FAM171B: variants seen among roughly 807,000 people sequenced by gnomAD.
FAM171B encodes family with sequence similarity 171 member B.
FAM171B carries 19 observed loss-of-function variants against 75.6 expected under a neutral mutation model. The ratio of observed to expected loss-of-function variants is 0.25; its 90% CI spans 0.18 to 0.37. The LOEUF (loss-of-function observed/expected upper bound fraction) is 0.37. Ranked by LOEUF, FAM171B falls within the 10% of genes least tolerant of loss-of-function variation. The pLI is 1.00. For missense variants in FAM171B, 848 were observed against 982.4 expected (o/e 0.86, Z 1.83); for synonymous variants, 367 against 361.7 (o/e 1.01, Z -0.17).
chr2:186,698,373 G>A (rs1326588420), intron 1 of FAM171B, among the ~76,000 whole-genome samples: 1 of 152,092 alleles, frequency 6.6e-6, no homozygotes, highest in African/African-American at 2.4e-5. Flanking sequence ...TATTTCGCAA[G>A]ATGTTAAATA....
chr2:186,761,120 T>C lies in FAM171B; in HGVS notation c.1020T>C (p.Gly340=). The part of the protein sequence containing the change: ...AAPLPGTRGS[G]INEDSKDITA... ...TTATATTGAACCATGTAGGTTCAGGTATAAATGAAGATTCCAAGGACATAA... is the reference window on the plus strand; with the variant it reads ...TTATATTGAACCATGTAGGTTCAGGCATAAATGAAGATTCCAAGGACATAA... Residue 340 remains glycine (G), a synonymous_variant, in exon 7 of 8, where the codon GGT becomes GGC. Transcript: ENST00000304698. 1 of 1,609,054 alleles carries C rather than the reference T, an allele frequency of 6.2e-7. No homozygotes were observed. The highest frequency in any genetic ancestry group is 1.1e-5 in the South Asian group (1 of 90,130).
intron 1 of FAM171B, among the ~76,000 whole-genome samples, chr2:186,709,535 C>T (rs1341895999): frequency 6.6e-6 from 1 of 152,108 alleles, no homozygotes; most frequent in Non-Finnish European, 1.5e-5. Flanking sequence ...TGCCTTTACA[C>T]TGATATATAA....
intron 1 of FAM171B, among the ~76,000 whole-genome samples, chr2:186,712,668 C>T (rs1171133591): frequency 1.3e-5 from 2 of 152,084 alleles, no homozygotes; most frequent in African/African-American, 4.8e-5. Context: ...CTGTTCTGTA[C>T]TTTTGTTTCT....
chr2:186,747,742 A>C (rs1357417657), intron 4 of FAM171B, among the ~76,000 whole-genome samples: 1 of 152,194 alleles, frequency 6.6e-6, no homozygotes, highest in Non-Finnish European at 1.5e-5. Context: ...AAATATTGAA[A>C]ATATATGTAT....
In FAM171B at chr2:186,728,529, C is replaced by T. The variant is rs1316237525; in HGVS notation, c.239-11699C>T. ...ATTGTTTCCAACCAACTATTTTATT[C>T]CACTATATTTTTGTGTTCTTCATTT... On this transcript the variant is annotated intron_variant, in intron 1 of 7. Coordinates refer to ENST00000304698, the MANE Select transcript of FAM171B (RefSeq NM_177454.4). 2.0e-5 allele frequency among the ~76,000 whole-genome samples: 3 copies of T among 152,100 alleles called. No homozygotes were observed. The South Asian group carries it at 6.2e-4, about 32-fold the overall frequency.
chr2:186,753,976 C>G lies in FAM171B; in HGVS notation c.939C>G (p.Asn313Lys). ...GTCGGGGAATGGTCAAGGAACATAA[C>G]AATCATTTAATCTGGACATATGATG... Reference protein sequence around the residue: ...NHGRGMVKEHNNHLIWTYDAP... With the variant: ...NHGRGMVKEHKNHLIWTYDAP... Residue 313 changes from asparagine to lysine, a missense_variant, in exon 6 of 8, where the codon AAC becomes AAG. Transcript: ENST00000304698. The G allele has an allele frequency of 2.5e-6, 4 of 1,613,516 alleles. No homozygotes were observed. The highest frequency in any genetic ancestry group is 3.4e-6 in the Non-Finnish European group (4 of 1,179,692).
At chr2:186,696,346 A>C (rs938169637) in intron 1 of FAM171B, among the ~76,000 whole-genome samples, 4 of 151,754 alleles carry the variant, frequency 2.6e-5, no homozygotes, top group African/African-American at 9.7e-5. Flanking sequence ...TTATAGACAA[A>C]TGAAGTTAAA....
chr2:186,701,763 G>A (rs932138004), intron 1 of FAM171B, among the ~76,000 whole-genome samples: 46 of 152,288 alleles, frequency 3.0e-4, no homozygotes, highest in African/African-American at 1.1e-3. Flanking sequence ...AGTCCAGTTT[G>A]TTTTAGTAGC....
intron 1 of FAM171B, among the ~76,000 whole-genome samples, chr2:186,696,844 A>T (rs772399004): frequency 6.9e-6 from 1 of 144,452 alleles, no homozygotes; most frequent in East Asian, 2.0e-4. Flanking sequence ...CCTCCATGGT[A>T]CTCATTATTC....
intron 4 of FAM171B, among the ~76,000 whole-genome samples, chr2:186,750,043 T>C (rs895551585): frequency 1.3e-5 from 2 of 152,088 alleles, no homozygotes; most frequent in Admixed American, 1.3e-4. Context: ...CCCATATGAG[T>C]ACATGGTGCT....
chr2:186,720,427 C>A (rs1437275486), intron 1 of FAM171B, among the ~76,000 whole-genome samples: 2 of 152,126 alleles, frequency 1.3e-5, no homozygotes, highest in South Asian at 4.1e-4. Context: ...TGGTGAGTCA[C>A]ATAGTATCCC....
At chr2:186,736,356 T>G (rs1209355255) in intron 1 of FAM171B, among the ~76,000 whole-genome samples, 1 of 152,218 alleles carries the variant, frequency 6.6e-6, no homozygotes, top group African/African-American at 2.4e-5. Context: ...CAACTCTCAG[T>G]TACCAATATG....
At chr2:186,738,068 G>T (rs1690230222) in intron 1 of FAM171B, among the ~76,000 whole-genome samples, 1 of 152,230 alleles carries the variant, frequency 6.6e-6, no homozygotes. Flanking sequence ...TCCATGTTTA[G>T]AGATGCCAGT....
intron 1 of FAM171B, among the ~76,000 whole-genome samples, chr2:186,732,999 T>C (rs977260838): frequency 6.6e-6 from 1 of 152,146 alleles, no homozygotes; most frequent in Admixed American, 6.5e-5. Context: ...GAGAGACAGT[T>C]TAACAACTGC....
chr2:186,721,246 G>A (rs528421956), intron 1 of FAM171B, among the ~76,000 whole-genome samples: 4 of 152,242 alleles, frequency 2.6e-5, no homozygotes, highest in African/African-American at 9.6e-5. Flanking sequence ...TGGGGCTGGG[G>A]TGGGGCCTGG....
chr2:186,698,967 G>A (rs1249454925), intron 1 of FAM171B, among the ~76,000 whole-genome samples: 1 of 152,092 alleles, frequency 6.6e-6, no homozygotes, highest in Non-Finnish European at 1.5e-5. Flanking sequence ...TCTGATCCTT[G>A]TTAATGGTTG....
chr2:186,738,209 C>G (rs1382635393), intron 1 of FAM171B, among the ~76,000 whole-genome samples: 1 of 152,242 alleles, frequency 6.6e-6, no homozygotes, highest in African/African-American at 2.4e-5. Flanking sequence ...TTTATTCCCA[C>G]CGTCCACAGC....
chr2:186,717,112 C>G (rs978700976), intron 1 of FAM171B, among the ~76,000 whole-genome samples: 45 of 152,070 alleles, frequency 3.0e-4, no homozygotes, highest in African/African-American at 1.1e-3. Flanking sequence ...TATACAGCCT[C>G]TCTGGGAAAA....
intron 1 of FAM171B, among the ~76,000 whole-genome samples, chr2:186,731,733 C>G (rs1690117031): frequency 6.6e-6 from 1 of 152,136 alleles, no homozygotes; most frequent in Admixed American, 6.5e-5. Context: ...GCGGGTGAGT[C>G]AGTGAAGCTT....
Sources: allele counts gnomAD v4.1 joint callset (sites outside exome capture counted in the v4.1 genomes callset), GRCh38; gene constraint gnomAD v4.1.1; transcripts MANE v1.5; gene names NCBI Gene and HGNC (gene_info 2026-07-23, HGNC 2026-07-21).